The following ERBB4 variants were observed in gnomAD, a reference collection of about 807,000 sequenced individuals.
ERBB4 encodes the protein erb-b2 receptor tyrosine kinase 4.
Under a neutral mutation model 158.0 loss-of-function variants are expected in ERBB4, and 42 were observed. The observed-to-expected ratio is 0.27, with a 90% CI of 0.21 to 0.34. The LOEUF (loss-of-function observed/expected upper bound fraction) is 0.34. Ranked by LOEUF, ERBB4 falls within the 10% of genes least tolerant of loss-of-function variation. The pLI is 1.00. For missense variants in ERBB4, 1,333 were observed against 1,624.1 expected (o/e 0.82, Z 3.08); for synonymous variants, 583 against 558.7 (o/e 1.04, Z -0.61).
intron 2 of ERBB4, among the ~76,000 whole-genome samples, chr2:211,975,257 C>T (rs1191360652): frequency 6.6e-6 from 1 of 152,196 alleles, no homozygotes; most frequent in African/African-American, 2.4e-5. Flanking sequence ...ACTAGGATTA[C>T]AGCCATGAGC....
At chr2:211,694,233 G>A (rs1172151400) in intron 12 of ERBB4, among the ~76,000 whole-genome samples, 1 of 152,126 alleles carries the variant, frequency 6.6e-6, no homozygotes, top group Non-Finnish European at 1.5e-5. Flanking sequence ...AATCTCTGGA[G>A]AACTGGAGCC....
intron 15 of ERBB4, among the ~76,000 whole-genome samples, chr2:211,661,075 T>C (rs541656717): frequency 1.3e-5 from 2 of 152,132 alleles, no homozygotes; most frequent in East Asian, 3.9e-4. Context: ...GGGAGCAGGA[T>C]GTAGGGTCAA....
intron 1 of ERBB4, among the ~76,000 whole-genome samples, chr2:212,406,843 A>C (rs998834564): frequency 2.0e-5 from 3 of 152,098 alleles, no homozygotes; most frequent in Non-Finnish European, 4.4e-5. Flanking sequence ...AAATGTCTTC[A>C]TGAGGTGACT....
At chr2:212,391,668 T>C (rs2090863764) in intron 1 of ERBB4, among the ~76,000 whole-genome samples, 1 of 136,864 alleles carries the variant, frequency 7.3e-6, no homozygotes, top group Non-Finnish European at 1.6e-5. Flanking sequence ...TTATGTATTA[T>C]ATTTTATATA....
At chr2:212,043,448 T>C (rs1298448724) in intron 2 of ERBB4, among the ~76,000 whole-genome samples, 3 of 152,134 alleles carry the variant, frequency 2.0e-5, no homozygotes, top group African/African-American at 7.2e-5. Context: ...CAATACATTA[T>C]ATCAGATGTA....
chr2:211,590,965 T>C (rs2068443479), intron 19 of ERBB4, among the ~76,000 whole-genome samples: 1 of 152,208 alleles, frequency 6.6e-6, no homozygotes, highest in Non-Finnish European at 1.5e-5. Flanking sequence ...TTAAACAATA[T>C]AATTCTTTTC....
chr2:211,402,491 T>C (rs1391956953), intron 25 of ERBB4, among the ~76,000 whole-genome samples: 1 of 152,184 alleles, frequency 6.6e-6, no homozygotes, highest in East Asian at 1.9e-4. Context: ...ATTCTAGGAT[T>C]TGTATTTGGT....
intron 2 of ERBB4, among the ~76,000 whole-genome samples, chr2:211,979,231 T>C (rs1242705883): frequency 1.3e-5 from 2 of 152,224 alleles, no homozygotes; most frequent in African/African-American, 4.8e-5. Flanking sequence ...TTACTAGTTA[T>C]ACATTCAAGA....
intron 2 of ERBB4, among the ~76,000 whole-genome samples, chr2:212,121,849 T>A (rs2079760310): frequency 6.6e-6 from 1 of 152,126 alleles, no homozygotes; most frequent in Non-Finnish European, 1.5e-5. Flanking sequence ...TGAAATGCCC[T>A]TCTCTTACAA....
intron 1 of ERBB4, among the ~76,000 whole-genome samples, chr2:212,183,691 A>G (rs1189092969): frequency 1.3e-5 from 2 of 152,056 alleles, no homozygotes; most frequent in Non-Finnish European, 2.9e-5. Context: ...TAGACTATAC[A>G]AGATGTATAG....
rs186284734 is a variant in ERBB4 at position 212,148,697 on chromosome 2, T to C, written c.83-23794A>G. ...AATAAAGGACTATAAATCACGCTGC[T>C]ATAAAGACACATGCACACGTATGTT... On this transcript the variant is annotated intron_variant, in intron 1 of 27. Coordinates refer to ENST00000342788, the MANE Select transcript of ERBB4 (RefSeq NM_005235.3). 6.6e-3 allele frequency among the ~76,000 whole-genome samples: 1,003 copies of C among 151,668 alleles called. 7 individuals carry two copies. The highest frequency in any genetic ancestry group is 0.024 in the Middle Eastern group (7 of 294).
intron 20 of ERBB4, among the ~76,000 whole-genome samples, chr2:211,502,199 T>C (rs1441070422): frequency 1.3e-5 from 2 of 152,160 alleles, no homozygotes; most frequent in African/African-American, 4.8e-5. Flanking sequence ...GTATGAGATA[T>C]GCAACGACAA....
chr2:211,711,024 A>G, intron 9 of ERBB4, among the ~76,000 whole-genome samples: 1 of 147,086 alleles, frequency 6.8e-6, no homozygotes, highest in East Asian at 2.0e-4. Flanking sequence ...TTTAAAAGGC[A>G]AGTAAAAAAA....
Position 211,788,075 on chromosome 2 carries a change from T to C in ERBB4, c.506A>G (p.Asn169Ser), listed in dbSNP as rs755189072. 1 of 1,613,370 alleles carries C rather than the reference T, an allele frequency of 6.2e-7. No homozygotes were observed. Among genetic ancestry groups the C allele is most frequent in the South Asian group, 1.1e-5 (1 of 91,068 alleles). The change falls in exon 4 of 28, where the codon AAC becomes AGC. Residue 169 changes from asparagine to serine, a missense_variant. This residue lies in a region of ERBB4 where 438 missense variants were observed against 586.9 expected (regional missense o/e 0.75). Transcript: ENST00000342788. ...DTIHWQDIVR[N>S]PWPSNLTLVS... ...AAGAGTCAAGTTGGAAGGCCATGGG[T>C]TCCGAACAATATCTTGCCAATGAAT...
At chr2:212,107,459 A>G (rs2079265671) in intron 2 of ERBB4, among the ~76,000 whole-genome samples, 1 of 152,168 alleles carries the variant, frequency 6.6e-6, no homozygotes, top group Non-Finnish European at 1.5e-5. Context: ...CATTGTATCT[A>G]GGAAGTAACT....
intron 4 of ERBB4, among the ~76,000 whole-genome samples, chr2:211,761,561 AT>A (rs1559495088): frequency 2.0e-5 from 3 of 152,100 alleles, no homozygotes; most frequent in African/African-American, 7.2e-5. Context: ...CTAGTCAAAC[AT>A]TTTTGTTCTT....
At chr2:212,191,182 G>A (rs577295067) in intron 1 of ERBB4, among the ~76,000 whole-genome samples, 4 of 152,038 alleles carry the variant, frequency 2.6e-5, no homozygotes, top group Non-Finnish European at 4.4e-5. Flanking sequence ...TCATGGACAA[G>A]ACTTACTACA....
intron 2 of ERBB4, among the ~76,000 whole-genome samples, chr2:211,964,624 T>C (rs1273895284): frequency 6.6e-6 from 1 of 152,154 alleles, no homozygotes; most frequent in Non-Finnish European, 1.5e-5. Context: ...AGTACTAAAA[T>C]CTGATATAAT....
intron 2 of ERBB4, among the ~76,000 whole-genome samples, chr2:212,032,958 C>CAAAACAAAAT (rs1029367259): frequency 3.3e-5 from 5 of 151,524 alleles, no homozygotes; most frequent in African/African-American, 9.7e-5. Flanking sequence ...CAAAAAAACC[C>CAAAACAAAAT]AAAACAAAAT....
Sources: allele counts gnomAD v4.1 joint callset (sites outside exome capture counted in the v4.1 genomes callset), GRCh38; gene constraint gnomAD v4.1.1; regional missense constraint gnomAD v4.1.1; transcripts MANE v1.5; gene names NCBI Gene and HGNC (gene_info 2026-07-23, HGNC 2026-07-21).